The following PANK2 variants were observed in gnomAD, a reference collection of about 807,000 sequenced individuals.
The protein encoded by PANK2 is pantothenate kinase 2.
PANK2 carries 36 observed loss-of-function variants against 43.1 expected under a neutral mutation model. The ratio of observed to expected loss-of-function variants is 0.84; its 90% CI spans 0.64 to 1.10. The LOEUF (loss-of-function observed/expected upper bound fraction) is 1.10. Among genes scored for constraint, PANK2 ranks in the 50% least tolerant of loss-of-function variants. PANK2 has a pLI of 0.00. For missense variants in PANK2, 576 were observed against 593.3 expected (o/e 0.97, Z 0.30); for synonymous variants, 281 against 238.2 (o/e 1.18, Z -1.66).
At chr20:3,896,554 A>G (rs370882633) in intron 1 of PANK2, among the ~76,000 whole-genome samples, 4 of 152,278 alleles carry the variant, frequency 2.6e-5, no homozygotes, top group African/African-American at 9.6e-5. Context: ...CATGGAAAGA[A>G]CAAGACAGGA....
intron 5 of PANK2, among the ~76,000 whole-genome samples, chr20:3,918,166 C>T (rs1257737111): frequency 3.9e-5 from 6 of 152,096 alleles, no homozygotes; most frequent in Admixed American, 6.6e-5. Context: ...TCATCTTTAG[C>T]GGTGAATGAG....
intron 2 of PANK2, 50 bp from the exon 3 acceptor site, chr20:3,910,525 TTG>T (rs1425735991): frequency 1.9e-6 from 3 of 1,606,034 alleles, no homozygotes; most frequent in African/African-American, 2.7e-5. Flanking sequence ...AATGGAATTT[TTG>T]TTTCTGTTGG....
chr20:3,905,350 CTT>C (rs34914526), intron 1 of PANK2, among the ~76,000 whole-genome samples: 245 of 134,348 alleles, frequency 1.8e-3, no homozygotes, highest in African/African-American at 3.3e-3. Context: ...GCTGCTATCT[CTT>C]TTTTTTTTTT....
intron 1 of PANK2, among the ~76,000 whole-genome samples, chr20:3,899,809 AC>A (rs1180623268): frequency 6.9e-6 from 1 of 144,140 alleles, no homozygotes; most frequent in Non-Finnish European, 1.5e-5. Flanking sequence ...CCGGCTTCAC[AC>A]CATTCTCCTG....
At chr20:3,905,311 G>C (rs2090366973) in intron 1 of PANK2, among the ~76,000 whole-genome samples, 1 of 150,954 alleles carries the variant, frequency 6.6e-6, no homozygotes, top group East Asian at 1.9e-4. Flanking sequence ...CTTATGCATG[G>C]TTATTGCCTC....
intron 1 of PANK2, among the ~76,000 whole-genome samples, chr20:3,904,118 A>C (rs1248409987): frequency 6.6e-6 from 1 of 151,966 alleles, no homozygotes; most frequent in Non-Finnish European, 1.5e-5. Flanking sequence ...CAAAAGTTTC[A>C]TATAAATGGA....
At chr20:3,908,467 G>C (rs1450646867) in intron 2 of PANK2, among the ~76,000 whole-genome samples, 189 bp downstream of exon 2, 1 of 152,114 alleles carries the variant, frequency 6.6e-6, no homozygotes, top group Non-Finnish European at 1.5e-5. Context: ...ATGTATGGAC[G>C]ACAATCAGAA....
At chr20:3,889,771 C>CCTTCCGGCCCACCCTGTCCCCT in intron 1 of PANK2, 43 bp downstream of exon 1, 1 of 1,575,122 alleles carries the variant, frequency 6.3e-7, no homozygotes, top group South Asian at 1.1e-5. Context: ...CCCTGCCCCC[C>CCTTCCGGCCCACCCTGTCCCCT]CTTCCGGCCC....
In PANK2 at chr20:3,889,508, C is replaced by A. The variant is rs2090076533; in HGVS notation, c.78C>A (p.His26Gln). 2.8e-6 allele frequency: 4 copies of A among 1,449,984 alleles called. No individual in the cohort carries two copies. Among genetic ancestry groups the A allele is most frequent in the Non-Finnish European group, 3.6e-6 (4 of 1,112,112 alleles). 89.8% of individuals were successfully genotyped at this position (1,449,984 alleles called of 1,614,324 possible). A position where few individuals can be genotyped will look rare whatever the true frequency, so the allele number is the denominator to read the frequency against. The change falls in exon 1 of 7, where the codon CAC becomes CAA. Residue 26 changes from histidine (H) to glutamine (Q), a missense_variant. Coordinates refer to ENST00000610179, the MANE Select transcript of PANK2 (RefSeq NM_001386393.1). ...GGCTCGGCGCGCCCATGGAGCGCCA[C>A]GGCAGGGCTTCCGCCACCTCCGTCT...
In PANK2 at chr20:3,889,432, TGG is replaced by T. The variant is rs529267374; in HGVS notation, c.7_8del (p.Gly3?). 1 of 1,562,542 alleles carries T rather than the reference TGG, an allele frequency of 6.4e-7. No homozygotes were observed. The highest frequency in any genetic ancestry group is 2.3e-5 in the East Asian group (1 of 42,654). ...GAGGAGGCGAGAAGGAATCCGACGC[TGG>T]GGGGCTTGCTCGGGCGGCAGCGACT... On this transcript the variant is annotated frameshift_variant and start_lost, in exon 1 of 7. Coordinates refer to ENST00000610179, the MANE Select transcript of PANK2 (RefSeq NM_001386393.1). LOFTEE classifies it high-confidence loss of function.
chr20:3,908,766 C>T, intron 2 of PANK2: 1 of 206,754 alleles, frequency 4.8e-6, no homozygotes, highest in Non-Finnish European at 9.9e-6. Flanking sequence ...TGGGTGACTG[C>T]AGAGCCCTCC....
At chr20:3,903,952 T>C (rs536825524) in intron 1 of PANK2, among the ~76,000 whole-genome samples, 1 of 152,164 alleles carries the variant, frequency 6.6e-6, no homozygotes, top group South Asian at 2.1e-4. Flanking sequence ...TTAGTACATA[T>C]GTTTAGTACA....
chr20:3,922,723 GTCC>G (rs2090665554), intron 6 of PANK2, among the ~76,000 whole-genome samples: 1 of 152,028 alleles, frequency 6.6e-6, no homozygotes, highest in Non-Finnish European at 1.5e-5. Flanking sequence ...CTGCTGTCCT[GTCC>G]TCTGTTAGGG....
At chr20:3,908,340 A>G in intron 2 of PANK2, 62 bp downstream of exon 2, 1 of 1,377,334 alleles carries the variant, frequency 7.3e-7, no homozygotes, top group Non-Finnish European at 1.0e-6. Context: ...TAATGCCAGT[A>G]GCAAGTGGTG....
At chr20:3,892,673 C>CAAAAAA (rs763721845) in intron 1 of PANK2, among the ~76,000 whole-genome samples, 3 of 104,350 alleles carry the variant, frequency 2.9e-5, no homozygotes, top group African/African-American at 3.8e-5. Flanking sequence ...GACTCTGTCT[C>CAAAAAA]AAAAAAAAAA....
chr20:3,889,163 T>A, upstream of PANK2: 1 of 1,600,426 alleles, frequency 6.2e-7, no homozygotes, highest in Non-Finnish European at 8.5e-7. Context: ...CACTCTCTTC[T>A]GGGCTACACC....
At chr20:3,900,279 A>G (rs1342617389) in intron 1 of PANK2, among the ~76,000 whole-genome samples, 1 of 151,048 alleles carries the variant, frequency 6.6e-6, no homozygotes, top group Non-Finnish European at 1.5e-5. Context: ...GAGAATGGTG[A>G]CTCTCCTTTC....
chr20:3,911,118 A>G (rs537420353), intron 3 of PANK2, among the ~76,000 whole-genome samples: 1 of 152,246 alleles, frequency 6.6e-6, no homozygotes, highest in East Asian at 1.9e-4. Flanking sequence ...AGCTAAAGTT[A>G]TTAGGCAGCA....
chr20:3,910,292 G>A (rs1467296281), intron 2 of PANK2, among the ~76,000 whole-genome samples: 1 of 118,772 alleles, frequency 8.4e-6, no homozygotes, highest in African/African-American at 2.8e-5. Context: ...GATAAATGCT[G>A]TGGTTTTTTT....
Sources: allele counts gnomAD v4.1 joint callset (sites outside exome capture counted in the v4.1 genomes callset), GRCh38; gene constraint gnomAD v4.1.1; transcripts MANE v1.5; gene names NCBI Gene and HGNC (gene_info 2026-07-23, HGNC 2026-07-21).